The following FAM227A variants were observed in gnomAD, a reference collection of about 807,000 sequenced individuals.
FAM227A encodes protein FAM227A.
A neutral mutation model predicts 74.7 loss-of-function variants in FAM227A; 80 were observed. That is an observed-to-expected ratio of 1.07 (90% CI 0.89 to 1.29). The LOEUF (loss-of-function observed/expected upper bound fraction) is 1.29. FAM227A is among the 50% of genes most tolerant of loss of function. The probability of loss-of-function intolerance (pLI) is 0.00; values close to 1 mark genes in which losing one functional copy is unlikely to be tolerated. For missense variants in FAM227A, 654 were observed against 683.4 expected (o/e 0.96, Z 0.48); for synonymous variants, 237 against 241.8 (o/e 0.98, Z 0.19).
chr22:38,646,760 A>C (rs552329803), intron 2 of FAM227A, among the ~76,000 whole-genome samples: 1 of 152,084 alleles, frequency 6.6e-6, no homozygotes, highest in South Asian at 2.1e-4. Flanking sequence ...AATCATTTTA[A>C]ATGACATTAT....
chr22:38,632,510 G>A (rs903811750), intron 6 of FAM227A, among the ~76,000 whole-genome samples: 59 of 152,180 alleles, frequency 3.9e-4, no homozygotes, highest in African/African-American at 1.4e-3. Context: ...GAACCTGCCA[G>A]CCTCCAGAAC....
At chr22:38,598,763 G>A (rs867747910) in intron 14 of FAM227A, among the ~76,000 whole-genome samples, 2 of 151,942 alleles carry the variant, frequency 1.3e-5, no homozygotes, top group Non-Finnish European at 2.9e-5. Context: ...CTATTTTACA[G>A]GTGAAAAAAA....
Position 38,613,261 on chromosome 22 carries a change from TATAAC to T in FAM227A, c.1039-5790_1039-5786del, listed in dbSNP as rs1322031960. Among the ~76,000 whole-genome samples, 97 of 62,028 alleles carry T rather than the reference TATAAC, an allele frequency of 1.6e-3. 3 individuals carry two copies. Among genetic ancestry groups the T allele is most frequent in the African/African-American group, 6.2e-3 (94 of 15,262 alleles). The allele number at this position is 62,028 out of a possible 152,430, so 40.7% of individuals were successfully genotyped here. A position where few individuals can be genotyped will look rare whatever the true frequency, so the allele number is the denominator to read the frequency against. On this transcript the variant is annotated intron_variant, in intron 11 of 16. Transcript: ENST00000535113. ...ATAATATATAATATATAACATATATTATAACATATATTATATATCATATATAATAT... is the reference window on the plus strand; with the variant it reads ...ATAATATATAATATATAACATATATTATATATTATATATCATATATAATAT...
intron 16 of FAM227A, among the ~76,000 whole-genome samples, chr22:38,588,783 C>G (rs1168440898): frequency 6.7e-6 from 1 of 149,258 alleles, no homozygotes; most frequent in Non-Finnish European, 1.5e-5. Context: ...AAAAAAATAG[C>G]CAGGTGTGGT....
chr22:38,620,279 G>A lies in FAM227A; in HGVS notation c.971C>T (p.Ser324Phe), dbSNP rs1569213968. The change falls in exon 11 of 17, where the codon TCT becomes TTT. Residue 324 changes from serine to phenylalanine, a missense_variant. Coordinates refer to ENST00000535113, the MANE Select transcript of FAM227A (RefSeq NM_001013647.2). ...RRRLTKGREF[S>F]LFAGKRAFSQ... ...GAAGGCTCTCTTACCAGCAAACAAAGAAAACTCTCTCCCTATAGAAGGGGA... is the reference window on the plus strand; with the variant it reads ...GAAGGCTCTCTTACCAGCAAACAAAAAAAACTCTCTCCCTATAGAAGGGGA... 1 of 1,550,982 alleles carries A rather than the reference G, an allele frequency of 6.4e-7. No homozygotes were observed. Among genetic ancestry groups the A allele is most frequent in the Non-Finnish European group, 8.7e-7 (1 of 1,146,386 alleles).
At chr22:38,652,140 C>A (rs980989136) in intron 1 of FAM227A, among the ~76,000 whole-genome samples, 3 of 151,700 alleles carry the variant, frequency 2.0e-5, no homozygotes, top group Non-Finnish European at 4.4e-5. Context: ...GAGCTGAGAT[C>A]ATGCCACTGC....
intron 10 of FAM227A, among the ~76,000 whole-genome samples, chr22:38,621,260 G>T (rs896615697): frequency 6.7e-6 from 1 of 149,940 alleles, no homozygotes; most frequent in Non-Finnish European, 1.5e-5. Flanking sequence ...TGAGGCTCAA[G>T]AATCGCTTGA....
At chr22:38,651,550 T>TG in intron 1 of FAM227A, among the ~76,000 whole-genome samples, 1 of 152,108 alleles carries the variant, frequency 6.6e-6, no homozygotes, top group South Asian at 2.1e-4. Flanking sequence ...TTAGTAGAGA[T>TG]GGGGTTTCAC....
At chr22:38,593,667 C>T in intron 15 of FAM227A, among the ~76,000 whole-genome samples, 1 of 152,114 alleles carries the variant, frequency 6.6e-6, no homozygotes, top group Middle Eastern at 3.2e-3. Flanking sequence ...TCCCCCTTCA[C>T]ACAGGCTTGG....
At chr22:38,646,656 TA>T (rs940261311) in intron 2 of FAM227A, among the ~76,000 whole-genome samples, 5 of 151,440 alleles carry the variant, frequency 3.3e-5, no homozygotes, top group African/African-American at 1.2e-4. Context: ...TTATTATTAT[TA>T]TTTTTTTTTT....
intron 7 of FAM227A, 32 bp downstream of exon 7, chr22:38,628,798 TAAGC>T (rs1166724410): frequency 6.5e-6 from 8 of 1,223,636 alleles, no homozygotes; most frequent in Non-Finnish European, 8.2e-6. Flanking sequence ...AAAAATAACT[TAAGC>T]AAGGCAGAGA....
At chr22:38,608,191 G>A (rs568748285) in intron 11 of FAM227A, among the ~76,000 whole-genome samples, 10 of 149,850 alleles carry the variant, frequency 6.7e-5, no homozygotes, top group African/African-American at 2.0e-4. Context: ...AGCCAAGCAC[G>A]CTGGTGTGCA....
intron 1 of FAM227A, among the ~76,000 whole-genome samples, chr22:38,652,691 T>C (rs1267745594): frequency 6.7e-6 from 1 of 149,804 alleles, no homozygotes; most frequent in African/African-American, 2.5e-5. Flanking sequence ...TCGAGACCAT[T>C]CTGGCTAACA....
chr22:38,631,743 C>T (rs564602599), intron 6 of FAM227A, among the ~76,000 whole-genome samples: 2 of 151,838 alleles, frequency 1.3e-5, no homozygotes, highest in African/African-American at 2.4e-5. Flanking sequence ...GGACTGGGAG[C>T]GGTTCTGAAA....
chr22:38,583,057 A>G lies in FAM227A; in HGVS notation c.*3068T>C. The G allele has an allele frequency of 8.0e-7, 1 of 1,256,320 alleles. No homozygotes were observed. Among genetic ancestry groups the G allele is most frequent in the Non-Finnish European group, 1.1e-6 (1 of 897,224 alleles). The allele number at this position is 1,256,320 out of a possible 1,614,324, so 77.8% of individuals were successfully genotyped here. ...GTTCCTAGAGAAACTGCAAATGAAG[A>G]GTTGACAGTGGCTGGGGTAGTAAAG... is the stretch of plus-strand genomic sequence containing the variant. On this transcript the variant is annotated 3_prime_UTR_variant, in exon 17 of 17. Transcript: ENST00000535113.
chr22:38,599,787 TCTGA>T lies in FAM227A; in HGVS notation c.1352_1355del (p.Val451GlufsTer26), dbSNP rs755919715. On this transcript the variant is annotated frameshift_variant, in exon 14 of 17. Coordinates refer to ENST00000535113, the MANE Select transcript of FAM227A (RefSeq NM_001013647.2). LOFTEE classifies it high-confidence loss of function. ...ATGGGGTGCTCGTGGTCTTTTCCCT[TCTGA>T]CTATCAACACATTCTTGCCGTGCTG... 50 of 1,551,374 alleles carry T rather than the reference TCTGA, an allele frequency of 3.2e-5. No individual in the cohort carries two copies. The highest frequency in any genetic ancestry group is 1.5e-4 in the African/African-American group (11 of 72,996).
intron 6 of FAM227A, 171 bp from the exon 7 acceptor site, chr22:38,629,106 C>T (rs1018164852): frequency 9.5e-6 from 5 of 527,036 alleles, no homozygotes; most frequent in Admixed American, 7.8e-5. Flanking sequence ...ATGAGGAATA[C>T]ATCATTATCT....
intron 11 of FAM227A, among the ~76,000 whole-genome samples, chr22:38,614,457 G>A (rs1038023216): frequency 6.6e-6 from 1 of 152,212 alleles, no homozygotes; most frequent in Admixed American, 6.5e-5. Flanking sequence ...ACAAGAGAAG[G>A]GCAGACAGGA....
At chr22:38,626,929 C>CTA (rs1187963729) in intron 8 of FAM227A, among the ~76,000 whole-genome samples, 4 of 93,868 alleles carry the variant, frequency 4.3e-5, no homozygotes, top group Non-Finnish European at 7.8e-5. Context: ...TATATATATT[C>CTA]TATATATAGA....
Sources: allele counts gnomAD v4.1 joint callset (sites outside exome capture counted in the v4.1 genomes callset), GRCh38; gene constraint gnomAD v4.1.1; transcripts MANE v1.5; gene names NCBI Gene and HGNC (gene_info 2026-07-23, HGNC 2026-07-21).